Variants in MAN1A1 observed in about 807,000 individuals in gnomAD.
MAN1A1 encodes the protein mannosidase alpha class 1A member 1.
MAN1A1 carries 29 observed loss-of-function variants against 70.8 expected under a neutral mutation model. The observed-to-expected ratio is 0.41, with a 90% CI of 0.31 to 0.56. The LOEUF (loss-of-function observed/expected upper bound fraction) is 0.56. Ranked by LOEUF, MAN1A1 falls within the 20% of genes least tolerant of loss-of-function variation. The pLI is 0.29. For missense variants in MAN1A1, 747 were observed against 841.3 expected, an observed-to-expected ratio of 0.89 and a Z score of 1.39; for synonymous variants, 349 against 330.1, an observed-to-expected ratio of 1.06 and a Z score of -0.62.
At chr6:119,185,235 T>C (rs1015973286) in intron 11 of MAN1A1, among the ~76,000 whole-genome samples, 5 of 152,098 alleles carry the variant, frequency 3.3e-5, no homozygotes, top group African/African-American at 1.2e-4. Context: ...AGTTAAATAT[T>C]ATTTCTGTCA....
intron 6 of MAN1A1, among the ~76,000 whole-genome samples, chr6:119,206,698 T>C (rs1773870479): frequency 6.6e-6 from 1 of 152,230 alleles, no homozygotes. Context: ...ACTTTCAAAG[T>C]TTACTAACAT....
chr6:119,347,888 A>C (rs1773775160), intron 2 of MAN1A1, among the ~76,000 whole-genome samples: 1 of 152,228 alleles, frequency 6.6e-6, no homozygotes. Context: ...GAAATACAAG[A>C]GGCAGCCGAC....
At chr6:119,180,064 A>G (rs1280524183) in intron 12 of MAN1A1, 119 bp from the exon 13 acceptor site, 1 of 1,090,958 alleles carries the variant, frequency 9.2e-7, no homozygotes, top group African/African-American at 1.6e-5. Context: ...CATGGACAAG[A>G]GTCAAATATA....
chr6:119,206,955 T>C (rs942403413), intron 6 of MAN1A1, among the ~76,000 whole-genome samples: 7 of 152,206 alleles, frequency 4.6e-5, no homozygotes, highest in African/African-American at 1.7e-4. Flanking sequence ...GCCTTCCAGA[T>C]CTTCAGGGAC....
intron 6 of MAN1A1, among the ~76,000 whole-genome samples, chr6:119,217,435 C>T (rs901718519): frequency 7.2e-5 from 11 of 152,274 alleles, no homozygotes; most frequent in Middle Eastern, 3.4e-3. Context: ...GCATGCACCA[C>T]CACGCCTGGC....
chr6:119,327,397 T>TG (rs1773182504), intron 2 of MAN1A1: 5 of 147,956 alleles, frequency 3.4e-5, no homozygotes, highest in African/African-American at 1.3e-4. Context: ...TTTTGTTTTT[T>TG]TTTTTTTTTT....
intron 4 of MAN1A1, among the ~76,000 whole-genome samples, chr6:119,293,617 CT>C (rs1363055040): frequency 6.6e-6 from 1 of 152,092 alleles, no homozygotes; most frequent in Non-Finnish European, 1.5e-5. Flanking sequence ...ACATATAATT[CT>C]TTCTCTCTCC....
intron 4 of MAN1A1, among the ~76,000 whole-genome samples, chr6:119,297,469 T>C (rs1231874883): frequency 1.3e-5 from 2 of 152,200 alleles, no homozygotes; most frequent in Non-Finnish European, 2.9e-5. Context: ...TCAAATTCTC[T>C]GACTGCGTAT....
chr6:119,192,900 G>T (rs563929466), intron 9 of MAN1A1, among the ~76,000 whole-genome samples: 2 of 152,178 alleles, frequency 1.3e-5, no homozygotes, highest in African/African-American at 4.8e-5. Flanking sequence ...TTAACTGGAG[G>T]TGTTTCTTAG....
intron 2 of MAN1A1, among the ~76,000 whole-genome samples, chr6:119,319,974 ATCT>A (rs1478667355): frequency 6.6e-6 from 1 of 151,662 alleles, no homozygotes; most frequent in Non-Finnish European, 1.5e-5. Flanking sequence ...CTGCAGTGGT[ATCT>A]TCTTTTTTTT....
intron 6 of MAN1A1, among the ~76,000 whole-genome samples, chr6:119,211,836 T>C (rs1774059245): frequency 6.7e-6 from 1 of 149,352 alleles, no homozygotes. Context: ...AATGAAATAA[T>C]AGTAGGAATT....
In MAN1A1 at chr6:119,193,878, C is replaced by G; in HGVS notation, c.1225G>C (p.Gly409Arg). 6.2e-7 allele frequency: 1 copy of G among 1,604,244 alleles called. No individual in the cohort carries two copies. Among genetic ancestry groups the G allele is most frequent in the South Asian group, 1.1e-5 (1 of 90,744 alleles). The change falls in exon 9 of 13, where the codon GGA becomes CGA. Residue 409 changes from glycine (G) to arginine (R), a missense_variant. Gly to Arg is a moderately radical substitution (Grantham distance 125). Coordinates refer to ENST00000368468, the MANE Select transcript of MAN1A1 (RefSeq NM_005907.4). ...TCATAGAAGCTGTCTCCAAGTCCTCCAACTGATACATGATCTGGAAAGAGA... is the reference window on the plus strand; with the variant it reads ...TCATAGAAGCTGTCTCCAAGTCCTCGAACTGATACATGATCTGGAAAGAGA... ...GQWGQHHVSV[G>R]GLGDSFYEYL... is the part of the protein sequence containing the mutation.
intron 4 of MAN1A1, among the ~76,000 whole-genome samples, chr6:119,301,411 G>A (rs1280154002): frequency 6.6e-6 from 1 of 152,118 alleles, no homozygotes; most frequent in Non-Finnish European, 1.5e-5. Flanking sequence ...AATGGGCCAT[G>A]AAATATTTGC....
Position 119,194,247 on chromosome 6 carries a change from A to C in MAN1A1, c.1211-355T>G, listed in dbSNP as rs543089195. Among the ~76,000 whole-genome samples, 3 of 152,340 alleles carry C rather than the reference A, an allele frequency of 2.0e-5. No homozygotes were observed. In the South Asian group the frequency reaches 6.2e-4, roughly 32 times the overall value. ...TTTGCTTTAGTTCTGAATAATATAA[A>C]ATTCTGGCAAAGCTATGAGTATTAG... On this transcript the variant is annotated intron_variant, in intron 8 of 12. Coordinates refer to ENST00000368468, the MANE Select transcript of MAN1A1 (RefSeq NM_005907.4).
intron 6 of MAN1A1, among the ~76,000 whole-genome samples, chr6:119,213,944 T>C (rs1307101236): frequency 6.6e-6 from 1 of 152,214 alleles, no homozygotes; most frequent in Non-Finnish European, 1.5e-5. Context: ...GATAAATATA[T>C]TGCAAATGTA....
intron 10 of MAN1A1, 22 bp from the exon 11 acceptor site, chr6:119,188,599 A>G: frequency 6.2e-7 from 1 of 1,604,156 alleles, no homozygotes; most frequent in South Asian, 1.1e-5. Flanking sequence ...GGAATGAATG[A>G]ATAAGGGTTA....
intron 2 of MAN1A1, 151 bp downstream of exon 2, chr6:119,348,312 G>C: frequency 1.3e-6 from 1 of 750,004 alleles, no homozygotes; most frequent in South Asian, 2.0e-5. Context: ...AACAGGAAAA[G>C]AAAGAGCTTT....
chr6:119,181,941 T>C (rs1297343673), intron 11 of MAN1A1, among the ~76,000 whole-genome samples: 1 of 152,218 alleles, frequency 6.6e-6, no homozygotes, highest in Non-Finnish European at 1.5e-5. Flanking sequence ...TTTTAATTTT[T>C]TGAGAAACCT....
chr6:119,343,000 A>G (rs1175382280), intron 2 of MAN1A1, among the ~76,000 whole-genome samples: 1 of 152,166 alleles, frequency 6.6e-6, no homozygotes, highest in Non-Finnish European at 1.5e-5. Context: ...AGAGATCTTT[A>G]TAAAGAAAAC....
Sources: allele counts gnomAD v4.1 joint callset (sites outside exome capture counted in the v4.1 genomes callset), GRCh38; gene constraint gnomAD v4.1.1; transcripts MANE v1.5; gene names NCBI Gene and HGNC (gene_info 2026-07-23, HGNC 2026-07-21).